The following GPR89B variants were observed in gnomAD, a reference collection of about 807,000 sequenced individuals.
The protein encoded by GPR89B is G protein-coupled receptor 89B.
GPR89B carries 25 observed loss-of-function variants against 52.4 expected under a neutral mutation model. The ratio of observed to expected loss-of-function variants is 0.48; its 90% CI spans 0.35 to 0.67. The LOEUF (loss-of-function observed/expected upper bound fraction) is 0.67. Among genes scored for constraint, GPR89B ranks in the 30% least tolerant of loss-of-function variants. GPR89B has a pLI of 0.01. For synonymous variants in GPR89B, 52 were observed against 151.2 expected (o/e 0.34, Z 4.81); for missense variants, 146 against 450.2 (o/e 0.32, Z 6.11).
chr1:147,991,605 G>A (rs1434509386), intron 12 of GPR89B, among the ~76,000 whole-genome samples: 9 of 152,120 alleles, frequency 5.9e-5, no homozygotes, highest in Admixed American at 3.9e-4. Context: ...TAGCTCTTAC[G>A]ATTTCGAGAT....
At chr1:147,939,931 T>G (rs1654407593) in intron 3 of GPR89B, among the ~76,000 whole-genome samples, 1 of 151,356 alleles carries the variant, frequency 6.6e-6, no homozygotes, top group South Asian at 2.1e-4. Context: ...GCCCAGGAGT[T>G]TGAGGATATG....
intron 5 of GPR89B, among the ~76,000 whole-genome samples, chr1:147,946,536 A>G (rs1226044296): frequency 6.6e-6 from 1 of 152,082 alleles, no homozygotes; most frequent in Non-Finnish European, 1.5e-5. Context: ...TTTCAAAGAA[A>G]CCCACAGACA....
At chr1:147,980,120 A>T (rs2149087103) in intron 10 of GPR89B, among the ~76,000 whole-genome samples, 1 of 148,190 alleles carries the variant, frequency 6.7e-6, no homozygotes, top group South Asian at 2.2e-4. Flanking sequence ...ATGTATGAGG[A>T]TATTGGACTA....
At chr1:147,964,476 TGATGATAGTA>T (rs1656887303) in intron 7 of GPR89B, among the ~76,000 whole-genome samples, 1 of 150,874 alleles carries the variant, frequency 6.6e-6, no homozygotes, top group Non-Finnish European at 1.5e-5. Context: ...GCAATAGTGA[TGATGATAGTA>T]AAGAAAAGTT....
the GPR89B span, among the ~76,000 whole-genome samples, chr1:147,999,437 A>C: frequency 6.8e-6 from 1 of 146,594 alleles, no homozygotes; most frequent in Admixed American, 6.8e-5. Context: ...TAAAACTACT[A>C]AAATACAAAA....
At chr1:147,996,933 G>C (rs1225956865), downstream of GPR89B, among the ~76,000 whole-genome samples, 1 of 150,160 alleles carries the variant, frequency 6.7e-6, no homozygotes, top group East Asian at 2.0e-4. Context: ...ACTGTGCTTC[G>C]TTATGGAGTA....
At chr1:148,006,823 T>C in the GPR89B span, among the ~76,000 whole-genome samples, 3 of 151,892 alleles carry the variant, frequency 2.0e-5, no homozygotes, top group Non-Finnish European at 4.4e-5. Context: ...TTCAAGCGAT[T>C]CTTCTGCCTC....
At chr1:147,940,995 A>T (rs1571231667) in intron 3 of GPR89B, among the ~76,000 whole-genome samples, 2 of 149,294 alleles carry the variant, frequency 1.3e-5, no homozygotes, top group East Asian at 3.9e-4. Flanking sequence ...TCTGAGACAT[A>T]TCTTCAGTTA....
intron 1 of GPR89B, among the ~76,000 whole-genome samples, chr1:147,931,855 G>C (rs6664245): frequency 1.2e-4 from 18 of 151,548 alleles, no homozygotes; most frequent in Non-Finnish European, 2.4e-4. Flanking sequence ...TCTGTTCTTG[G>C]GTTAATTTGC....
chr1:148,004,973 C>G, the GPR89B span, among the ~76,000 whole-genome samples: 1 of 94,368 alleles, frequency 1.1e-5, no homozygotes, highest in African/African-American at 3.9e-5. Flanking sequence ...CCCAGCTACT[C>G]AGGAAGCTGA....
At chr1:147,983,938 C>T (rs1658462839) in intron 10 of GPR89B, among the ~76,000 whole-genome samples, 1 of 151,898 alleles carries the variant, frequency 6.6e-6, no homozygotes, top group South Asian at 2.1e-4. Context: ...AAATGTCCAA[C>T]AATGATAGAC....
chr1:147,984,958 C>T (rs1200786791), intron 10 of GPR89B, among the ~76,000 whole-genome samples: 5 of 152,202 alleles, frequency 3.3e-5, no homozygotes, highest in South Asian at 2.1e-4. Flanking sequence ...GAGTAGAATA[C>T]GTATTGTGCT....
intron 5 of GPR89B, among the ~76,000 whole-genome samples, chr1:147,951,116 G>A (rs1282740653): frequency 6.6e-5 from 10 of 151,780 alleles, no homozygotes; most frequent in African/African-American, 2.4e-4. Context: ...TTAAAGCCCA[G>A]ACTCTGGAGC....
At chr1:147,995,109 C>T (rs1270949459), downstream of GPR89B, among the ~76,000 whole-genome samples, 4 of 152,020 alleles carry the variant, frequency 2.6e-5, no homozygotes, top group Admixed American at 6.6e-5. Flanking sequence ...TGTCTTTAAC[C>T]GTCACCACTT....
At chr1:147,932,377 G>A (rs1404597826) in intron 1 of GPR89B, among the ~76,000 whole-genome samples, 1 of 151,926 alleles carries the variant, frequency 6.6e-6, no homozygotes, top group Non-Finnish European at 1.5e-5. Context: ...TTGGATCACT[G>A]CTATAGTTTG....
intron 10 of GPR89B, 78 bp from the exon 11 acceptor site, chr1:147,986,121 A>C (rs1371146874): frequency 6.2e-7 from 1 of 1,610,196 alleles, no homozygotes; most frequent in Non-Finnish European, 8.5e-7. Flanking sequence ...ATAGTGATTA[A>C]TTCATTAGTT....
chr1:147,985,426 A>G, intron 10 of GPR89B, among the ~76,000 whole-genome samples: 1 of 151,896 alleles, frequency 6.6e-6, no homozygotes, highest in Non-Finnish European at 1.5e-5. Context: ...AACCTCTGCC[A>G]TTTCATTGAC....
chr1:147,949,055 T>C (rs1282334862), intron 5 of GPR89B, among the ~76,000 whole-genome samples: 1 of 152,010 alleles, frequency 6.6e-6, no homozygotes, highest in Non-Finnish European at 1.5e-5. Flanking sequence ...CAGCACATGT[T>C]TCAGAGAGCA....
intron 12 of GPR89B, among the ~76,000 whole-genome samples, chr1:147,988,751 C>T (rs1163415960): frequency 2.6e-5 from 4 of 151,116 alleles, no homozygotes; most frequent in East Asian, 2.0e-4. Flanking sequence ...GTAGTCCCAA[C>T]TACTTGGGAG....
Sources: allele counts gnomAD v4.1 joint callset (sites outside exome capture counted in the v4.1 genomes callset), GRCh38; gene constraint gnomAD v4.1.1; transcripts MANE v1.5; gene names NCBI Gene and HGNC (gene_info 2026-07-23, HGNC 2026-07-21).